Variants in PRELID2 observed in about 807,000 individuals in gnomAD.
PRELID2 encodes the protein PRELI domain-containing protein 2.
Under a neutral mutation model 28.4 loss-of-function variants are expected in PRELID2, and 25 were observed. That is an observed-to-expected ratio of 0.88 (90% CI 0.64 to 1.23). The LOEUF is 1.23. PRELID2 is among the 50% of genes most tolerant of loss of function. PRELID2 has a pLI of 0.00. For synonymous variants in PRELID2, 76 were observed against 71.6 expected (o/e 1.06, Z -0.31); for missense variants, 201 against 214.4 (o/e 0.94, Z 0.39).
chr5:145,477,532 T>G (rs1358783495), intron 1 of PRELID2, among the ~76,000 whole-genome samples: 2 of 152,186 alleles, frequency 1.3e-5, no homozygotes, highest in African/African-American at 4.8e-5. Context: ...CAAGAATGCA[T>G]GCATAGGCCT....
Position 145,757,609 on chromosome 5 carries a change from G to T in PRELID2, c.*2927C>A, listed in dbSNP as rs1246921221. 1.3e-5 allele frequency among the ~76,000 whole-genome samples: 2 copies of T among 151,872 alleles called. No individual in the cohort carries two copies. The highest frequency in any genetic ancestry group is 1.5e-5 in the Non-Finnish European group (1 of 67,988). On this transcript the variant is annotated 3_prime_UTR_variant, in exon 7 of 7. Coordinates refer to ENST00000683046, the MANE Select transcript of PRELID2 (RefSeq NM_205846.3). ...TACACAGTACAGAATAAAAAACATG[G>T]ACTTCTAAATGTTTTATCACAAAAC...
chr5:145,377,030 T>C, the PRELID2 span, among the ~76,000 whole-genome samples: 1 of 152,196 alleles, frequency 6.6e-6, no homozygotes, highest in Non-Finnish European at 1.5e-5. Context: ...TTTAGTGCTA[T>C]AAATTTCCCT....
chr5:145,535,692 G>A (rs1249537897), intron 1 of PRELID2, among the ~76,000 whole-genome samples: 1 of 151,746 alleles, frequency 6.6e-6, no homozygotes, highest in African/African-American at 2.4e-5. Flanking sequence ...ATCCCGTTTT[G>A]GCTCCAACTT....
chr5:145,642,160 A>G (rs1262186046), intron 1 of PRELID2, among the ~76,000 whole-genome samples: 1 of 151,028 alleles, frequency 6.6e-6, no homozygotes, highest in Non-Finnish European at 1.5e-5. Context: ...ATTTCTCCAC[A>G]TCCTCTCTAG....
intron 5 of PRELID2, 48 bp from the exon 6 acceptor site, chr5:145,765,048 G>T: frequency 1.5e-6 from 2 of 1,294,118 alleles, no homozygotes; most frequent in Non-Finnish European, 2.2e-6. Flanking sequence ...TCACAGACAA[G>T]TACTTTTACA....
At chr5:145,434,357 A>G in the PRELID2 span, among the ~76,000 whole-genome samples, 28 of 152,344 alleles carry the variant, frequency 1.8e-4, no homozygotes, top group African/African-American at 6.5e-4. Flanking sequence ...GGACAAATGA[A>G]GTCAACTCTA....
chr5:145,694,519 T>C (rs1755216324), intron 1 of PRELID2, among the ~76,000 whole-genome samples: 1 of 152,212 alleles, frequency 6.6e-6, no homozygotes, highest in Non-Finnish European at 1.5e-5. Context: ...AAATATAATG[T>C]ACAGCTTCAG....
At chr5:145,790,910 T>C (rs1453005516) in intron 5 of PRELID2, among the ~76,000 whole-genome samples, 1 of 148,990 alleles carries the variant, frequency 6.7e-6, no homozygotes, top group African/African-American at 2.4e-5. Context: ...TATATATATA[T>C]ACCAAAAAGA....
chr5:145,560,111 A>G (rs1752914717), intron 1 of PRELID2, among the ~76,000 whole-genome samples: 1 of 152,198 alleles, frequency 6.6e-6, no homozygotes, highest in African/African-American at 2.4e-5. Flanking sequence ...ACCTCATGTA[A>G]TTTATTGAAT....
chr5:145,279,340 G>T, the PRELID2 span, among the ~76,000 whole-genome samples: 1 of 152,262 alleles, frequency 6.6e-6, no homozygotes, highest in East Asian at 1.9e-4. Context: ...TGATCTAGCA[G>T]ATTCACATTC....
the PRELID2 span, among the ~76,000 whole-genome samples, chr5:145,315,545 GGTGTGTGTGTGTGTGTGTGTGTGTGT>G: frequency 1.4e-5 from 2 of 142,908 alleles, no homozygotes; most frequent in Admixed American, 1.4e-4. Flanking sequence ...GCTCTTTCAG[GGTGTGTGTGTGTGTGTGTGTGTGTGT>G]GTGTGTGTGT....
In PRELID2 at chr5:145,482,999, C is replaced by T. The variant is rs1363111661; in HGVS notation, n.71-9684G>A. Among the ~76,000 whole-genome samples, 3 of 152,210 alleles carry T rather than the reference C, an allele frequency of 2.0e-5. No individual in the cohort carries two copies. In the East Asian group the frequency reaches 5.8e-4, roughly 29 times the overall value. ...GTTTCGCTGGCTCACCTGCCACTCACCTCCTGCTGTGTGGCCTGCGGGTTG... is the reference window on the plus strand; with the variant it reads ...GTTTCGCTGGCTCACCTGCCACTCATCTCCTGCTGTGTGGCCTGCGGGTTG... On this transcript the variant is annotated intron_variant and non_coding_transcript_variant, in intron 1 of 2. Coordinates refer to the PRELID2 transcript ENST00000510259.
intron 5 of PRELID2, among the ~76,000 whole-genome samples, chr5:145,773,668 T>C (rs1233643650): frequency 3.3e-5 from 5 of 152,350 alleles, no homozygotes; most frequent in Admixed American, 3.3e-4. Context: ...ACCATCCCAG[T>C]ACCAACTCCT....
chr5:145,252,184 T>A, the PRELID2 span, among the ~76,000 whole-genome samples: 1 of 152,102 alleles, frequency 6.6e-6, no homozygotes, highest in Admixed American at 6.6e-5. Context: ...AATCAACCTC[T>A]CTAGAGGTGA....
intron 1 of PRELID2, among the ~76,000 whole-genome samples, chr5:145,522,221 T>C (rs1292065979): frequency 1.3e-5 from 2 of 152,220 alleles, no homozygotes; most frequent in African/African-American, 4.8e-5. Context: ...TTCAAGACCA[T>C]TTATTTGAAC....
intron 1 of PRELID2, among the ~76,000 whole-genome samples, chr5:145,592,684 C>CTGAGA (rs1561513215): frequency 6.6e-6 from 1 of 151,998 alleles, no homozygotes; most frequent in African/African-American, 2.4e-5. Flanking sequence ...GTAAATAGAG[C>CTGAGA]TGAGAGTTAA....
the PRELID2 span, among the ~76,000 whole-genome samples, chr5:145,285,030 G>A: frequency 6.6e-6 from 1 of 152,066 alleles, no homozygotes; most frequent in Non-Finnish European, 1.5e-5. Context: ...CAACTCTGAG[G>A]TAGGTATTAA....
chr5:145,689,698 G>A (rs988611695), intron 1 of PRELID2, among the ~76,000 whole-genome samples: 3 of 152,180 alleles, frequency 2.0e-5, no homozygotes, highest in African/African-American at 7.2e-5. Context: ...GCAAAAAAAG[G>A]AGATGAAGCC....
chr5:145,800,743 C>T (rs569536307), intron 4 of PRELID2, among the ~76,000 whole-genome samples: 3 of 152,188 alleles, frequency 2.0e-5, no homozygotes, highest in Admixed American at 1.3e-4. Flanking sequence ...TTGCCATCAA[C>T]GAGATGAGAG....
Sources: gnomAD v4.1 joint callset for allele counts (sites outside exome capture counted in the v4.1 genomes callset) on GRCh38, gnomAD v4.1.1 for gene constraint, MANE v1.5 for transcripts, NCBI Gene and HGNC (gene_info 2026-07-23, HGNC 2026-07-21) for gene names.